The following ANTXRL variants were observed in gnomAD, a reference collection of about 807,000 sequenced individuals.
The protein encoded by ANTXRL is ANTXR like.
ANTXRL carries 63 observed loss-of-function variants against 75.4 expected under a neutral mutation model. The ratio of observed to expected loss-of-function variants is 0.84; its 90% confidence interval spans 0.68 to 1.03. The LOEUF is 1.03. Among genes scored for constraint, ANTXRL ranks in the 50% least tolerant of loss-of-function variants. The pLI, the probability that ANTXRL is intolerant of heterozygous loss-of-function variation, is 0.00. For synonymous variants in ANTXRL, 335 were observed against 291.3 expected, an observed-to-expected ratio of 1.15 and a Z score of -1.53; for missense variants, 797 against 789.4, an observed-to-expected ratio of 1.01 and a Z score of -0.12.
chr10:46,287,075 T>A lies in ANTXRL; in HGVS notation c.-188T>A, dbSNP rs1836793923. On this transcript the variant is annotated 5_prime_UTR_variant, in exon 1 of 17. Transcript: ENST00000620264. ...AAGCAAGTCTCCCAGAGCCAGCTGC[T>A]GACCCTAGTCCCTGCGATCTGGGGA... is the stretch of plus-strand genomic sequence containing the variant. 1 of 722,884 alleles carries A rather than the reference T, an allele frequency of 1.4e-6. No homozygotes were observed. Among genetic ancestry groups the A allele is most frequent in the Non-Finnish European group, 2.2e-6 (1 of 455,252 alleles). 44.8% of individuals were successfully genotyped at this position (722,884 alleles called of 1,614,324 possible). A position where few individuals can be genotyped will look rare whatever the true frequency, so the allele number is the denominator to read the frequency against.
rs1160642296 is a variant in ANTXRL at position 46,287,342 on chromosome 10, C to T, written c.80C>T (p.Ala27Val). ...LLLLPPPLFR[A>V]GSLRYHGPDW... is the part of the protein sequence containing the mutation. Reference sequence around the variant, plus strand: ...CTGCTTCCTCCACCGCTTTTTAGAGCAGGAAGCCTTCGGTACCATGGACCT... The same window carrying T: ...CTGCTTCCTCCACCGCTTTTTAGAGTAGGAAGCCTTCGGTACCATGGACCT... The change falls in exon 1 of 17, where the codon GCA (alanine) becomes GTA (valine). Residue 27 changes from alanine to valine, a missense_variant. Physicochemically the swap from Ala to Val is moderately conservative, Grantham distance 64. This residue lies in a region of ANTXRL where 262 missense variants were observed against 271.9 expected (regional missense o/e 0.96). Transcript: ENST00000620264. 1.0e-5 allele frequency: 16 copies of T among 1,535,896 alleles called. No individual in the cohort carries two copies. The highest frequency in any genetic ancestry group is 4.9e-5 in the East Asian group (2 of 40,918).
intron 2 of ANTXRL, among the ~76,000 whole-genome samples, chr10:46,292,659 C>A (rs1837044168): frequency 6.6e-6 from 1 of 151,950 alleles, no homozygotes; most frequent in South Asian, 2.1e-4. Flanking sequence ...CTGGGCAGGT[C>A]AGCTTGAGGC....
intron 16 of ANTXRL, among the ~76,000 whole-genome samples, chr10:46,326,245 C>A (rs955132189): frequency 1.3e-5 from 2 of 151,912 alleles, no homozygotes; most frequent in Admixed American, 1.3e-4. Context: ...GTGACTCACC[C>A]CTGCCCTCAC....
At chr10:46,303,736 G>A (rs1233742090) in intron 10 of ANTXRL, among the ~76,000 whole-genome samples, 2 of 152,030 alleles carry the variant, frequency 1.3e-5, no homozygotes, top group Non-Finnish European at 2.9e-5. Flanking sequence ...AGGCATCAGG[G>A]AACCTCTGTG....
intron 10 of ANTXRL, among the ~76,000 whole-genome samples, chr10:46,303,793 C>A (rs1186061313): frequency 6.6e-6 from 1 of 152,060 alleles, no homozygotes; most frequent in Non-Finnish European, 1.5e-5. Context: ...AGACACTGTG[C>A]CCTGGGTGCT....
chr10:46,305,841 C>T (rs4073429), intron 10 of ANTXRL, among the ~76,000 whole-genome samples: 28,294 of 151,826 alleles, frequency 0.19, 2,302 homozygotes, highest in East Asian at 0.25. Flanking sequence ...GCTTCCTCAT[C>T]TTGGTAAATG....
At position 46,329,646 on chromosome 10, in the gene ANTXRL, T is replaced by C. The variant is rs1409850605; in HGVS notation, c.1458T>C (p.Ala486=). 1 of 1,536,296 alleles carries C rather than the reference T, an allele frequency of 6.5e-7. No individual in the cohort carries two copies. Among genetic ancestry groups the C allele is most frequent in the East Asian group, 2.4e-5 (1 of 40,924 alleles). ...LALAQSQYAQ[A]PCCPRICFPH... is the part of the protein sequence containing the mutation. ...TTGCACAGTCCCAATATGCACAGGC[T>C]CCCTGCTGCCCAAGGATCTGCTTTC... is the stretch of plus-strand genomic sequence containing the variant. The change falls in exon 17 of 17, where the codon GCT becomes GCC. Residue 486 remains alanine, a synonymous_variant. Transcript: ENST00000620264.
At chr10:46,292,302 T>G (rs1554956731) in intron 2 of ANTXRL, among the ~76,000 whole-genome samples, 173 bp downstream of exon 2, 1 of 152,054 alleles carries the variant, frequency 6.6e-6, no homozygotes, top group Non-Finnish European at 1.5e-5. Context: ...ACTGGTTCCA[T>G]GGGGTCTCAG....
chr10:46,320,648 C>T (rs574863085), intron 16 of ANTXRL, among the ~76,000 whole-genome samples: 1 of 152,286 alleles, frequency 6.6e-6, no homozygotes, highest in South Asian at 2.1e-4. Flanking sequence ...ATGAGAATTA[C>T]TTGAACCCAG....
intron 11 of ANTXRL, 106 bp downstream of exon 11, chr10:46,306,978 C>T (rs1554962085): frequency 3.1e-6 from 3 of 976,768 alleles, no homozygotes; most frequent in Admixed American, 2.9e-5. Flanking sequence ...GCTGGGACAG[C>T]ACATATCTGT....
intron 11 of ANTXRL, 35 bp from the exon 12 acceptor site, chr10:46,307,367 A>G: frequency 7.0e-7 from 1 of 1,434,722 alleles, no homozygotes; most frequent in Non-Finnish European, 9.5e-7. Flanking sequence ...ATCTCTCTGG[A>G]CTGGCTCTCA....
intron 9 of ANTXRL, 74 bp from the exon 10 acceptor site, chr10:46,302,648 C>A (rs1837824994): frequency 1.8e-6 from 2 of 1,131,874 alleles, no homozygotes; most frequent in South Asian, 2.7e-5. Context: ...GGTGGATCTC[C>A]AGGAATAGGG....
At chr10:46,322,486 C>T (rs1370848802) in intron 16 of ANTXRL, among the ~76,000 whole-genome samples, 1 of 151,462 alleles carries the variant, frequency 6.6e-6, no homozygotes, top group African/African-American at 2.4e-5. Flanking sequence ...AATTGCCCAT[C>T]AAGTGGTGAA....
intron 16 of ANTXRL, among the ~76,000 whole-genome samples, chr10:46,326,647 G>A (rs1839227073): frequency 6.6e-6 from 1 of 152,110 alleles, no homozygotes; most frequent in African/African-American, 2.4e-5. Flanking sequence ...GAGGAGTGAG[G>A]TGGGGCTTCA....
chr10:46,316,423 G>A (rs7075752), intron 16 of ANTXRL, among the ~76,000 whole-genome samples: 6,959 of 152,196 alleles, frequency 0.046, 548 homozygotes, highest in African/African-American at 0.16. Flanking sequence ...GGGTCACACA[G>A]CCAGGAAGCA....
chr10:46,291,924 G>A, intron 1 of ANTXRL, 134 bp from the exon 2 acceptor site: 2 of 763,288 alleles, frequency 2.6e-6, no homozygotes, highest in South Asian at 1.7e-5. Context: ...GCCACTGGGG[G>A]TGTACCCCAG....
chr10:46,303,462 G>T (rs1455685011), intron 10 of ANTXRL, among the ~76,000 whole-genome samples: 3 of 152,134 alleles, frequency 2.0e-5, no homozygotes. Context: ...ATTTTTTCAG[G>T]TTTTGGAACG....
intron 14 of ANTXRL, 150 bp downstream of exon 14, chr10:46,310,649 GA>G: frequency 1.2e-6 from 1 of 840,966 alleles, no homozygotes; most frequent in South Asian, 1.5e-5. Flanking sequence ...GAAGATGGGG[GA>G]CTCACAGTGA....
intron 16 of ANTXRL, among the ~76,000 whole-genome samples, chr10:46,326,344 T>G (rs1259809382): frequency 5.9e-5 from 9 of 151,870 alleles, no homozygotes; most frequent in African/African-American, 1.9e-4. Context: ...TGGCACTTCC[T>G]CCTCCCACAA....
Sources: allele counts gnomAD v4.1 joint callset (sites outside exome capture counted in the v4.1 genomes callset), GRCh38; gene constraint gnomAD v4.1.1; regional missense constraint gnomAD v4.1.1; transcripts MANE v1.5; gene names NCBI Gene and HGNC (gene_info 2026-07-23, HGNC 2026-07-21).